The following ABHD2 variants were observed in gnomAD, a reference collection of about 807,000 sequenced individuals.
ABHD2 encodes the protein monoacylglycerol lipase ABHD2.
A neutral mutation model predicts 48.1 loss-of-function variants in ABHD2; 20 were observed. The ratio of observed to expected loss-of-function variants is 0.42; its 90% confidence interval spans 0.29 to 0.60. The LOEUF (loss-of-function observed/expected upper bound fraction) is 0.60, where lower values mean the gene tolerates loss of function less well. Among genes scored for constraint, ABHD2 ranks in the 20% least tolerant of loss-of-function variants. The pLI, the probability that ABHD2 is intolerant of heterozygous loss-of-function variation, is 0.24. For synonymous variants in ABHD2, 209 were observed against 214.2 expected, an observed-to-expected ratio of 0.98 and a Z score of 0.21; for missense variants, 405 against 550.9, an observed-to-expected ratio of 0.74 and a Z score of 2.65.
At chr15:89,136,419 G>T in intron 3 of ABHD2, 1 of 497,576 alleles carries the variant, frequency 2.0e-6, no homozygotes, top group Non-Finnish European at 3.9e-6. Context: ...GTTCTTATGT[G>T]CCTCCCTACA....
In ABHD2 at chr15:89,201,112, G is replaced by A; in HGVS notation, c.*5689G>A. On this transcript the variant is annotated 3_prime_UTR_variant, in exon 11 of 11. Transcript: ENST00000352732. ...AAAAGAAAAGGAATCCAGTGAAAAT[G>A]GCTGCAATTACAACAAGAAGTGAAG... is the stretch of plus-strand genomic sequence containing the variant. The A allele has an allele frequency of 1.9e-6, 2 of 1,054,704 alleles. No individual in the cohort carries two copies. The highest frequency in any genetic ancestry group is 3.0e-6 in the Non-Finnish European group (2 of 673,090). The allele number at this position is 1,054,704 out of a possible 1,614,324, so 65.3% of individuals were successfully genotyped here.
At chr15:89,148,716 G>C (rs1281230336) in intron 3 of ABHD2, among the ~76,000 whole-genome samples, 1 of 152,170 alleles carries the variant, frequency 6.6e-6, no homozygotes, top group Non-Finnish European at 1.5e-5. Context: ...AGAAGCCACA[G>C]GCCAGTCCAG....
intron 9 of ABHD2, among the ~76,000 whole-genome samples, chr15:89,192,622 G>T (rs2051326092): frequency 6.6e-6 from 1 of 151,900 alleles, no homozygotes; most frequent in African/African-American, 2.4e-5. Context: ...TGATCCTCCT[G>T]CCTCAGCTTC....
intron 3 of ABHD2, among the ~76,000 whole-genome samples, chr15:89,140,230 T>C (rs2050380548): frequency 6.6e-6 from 1 of 152,234 alleles, no homozygotes; most frequent in South Asian, 2.1e-4. Flanking sequence ...CAAGCTCTAC[T>C]GAAAGACCTG....
At position 89,088,963 on chromosome 15, in the gene ABHD2, C is replaced by A. The variant is rs1156790389; in HGVS notation, c.-107+400C>A. 6.6e-6 allele frequency among the ~76,000 whole-genome samples: 1 copy of A among 152,246 alleles called. No homozygotes were observed. The highest frequency in any genetic ancestry group is 2.4e-5 in the African/African-American group (1 of 41,474). ...AGGAGAGGGCCGAGGGGCCTGATTACAGCCCGAGATACCCGAGAGGCCTCT... is the reference window on the plus strand; with the variant it reads ...AGGAGAGGGCCGAGGGGCCTGATTAAAGCCCGAGATACCCGAGAGGCCTCT... On this transcript the variant is annotated intron_variant, in intron 1 of 10. Transcript: ENST00000352732. This position sits in a 1 kb window ranked among gnomAD's most constrained non-coding sequence, Gnocchi z 6.8.
intron 1 of ABHD2, among the ~76,000 whole-genome samples, chr15:89,110,341 G>T (rs574520800): frequency 6.6e-6 from 1 of 151,682 alleles, no homozygotes; most frequent in Admixed American, 6.6e-5. Flanking sequence ...GATTACAGGC[G>T]TGAGTCCCCT....
At chr15:89,089,619 G>T (rs1901512397) in intron 1 of ABHD2, among the ~76,000 whole-genome samples, 1 of 152,194 alleles carries the variant, frequency 6.6e-6, no homozygotes, top group African/African-American at 2.4e-5. Flanking sequence ...AGGCTCCACA[G>T]AGGGACCTGG....
Position 89,185,554 on chromosome 15 carries a change from T to C in ABHD2, c.815+38T>C, listed in dbSNP as rs1385154443. The C allele has an allele frequency of 1.9e-6, 3 of 1,571,632 alleles. 1 individual carries two copies. The Middle Eastern group carries it at 5.0e-4, about 263-fold the overall frequency. ...CCGTTCTCTCTCAGGAGACAGACAG[T>C]TCCTTCCTGAGCTCATCTGGGAACC... On this transcript the variant is annotated intron_variant, in intron 7 of 10. Coordinates refer to ENST00000352732, the MANE Select transcript of ABHD2 (RefSeq NM_152924.5). The surrounding 1 kb of genome is among the most constrained non-coding windows in gnomAD (Gnocchi z 5.9).
At chr15:89,054,848 G>T in the ABHD2 span, among the ~76,000 whole-genome samples, 4 of 146,638 alleles carry the variant, frequency 2.7e-5, no homozygotes, top group Non-Finnish European at 6.1e-5. Context: ...TCTTTAAACA[G>T]CTCTAAAAAA....
intron 5 of ABHD2, among the ~76,000 whole-genome samples, chr15:89,157,427 T>C (rs927443465): frequency 5.9e-5 from 9 of 152,180 alleles, no homozygotes; most frequent in African/African-American, 1.9e-4. Flanking sequence ...TATACCTGCT[T>C]TGTGCCAAGC....
rs912779905 is a variant in ABHD2, at chr15:89,176,861, G to A, written c.722+866G>A. On this transcript the variant is annotated intron_variant, in intron 6 of 10. Coordinates refer to ENST00000352732, the MANE Select transcript of ABHD2 (RefSeq NM_152924.5). The surrounding 1 kb of genome is among the most constrained non-coding windows in gnomAD (Gnocchi z 4.5). ...CACCTCCCTATTGATCCAGTCTAAT[G>A]CCAAACAGTCCTTATCGTTATTCAA... Among the ~76,000 whole-genome samples, 1 of 152,170 alleles carries A rather than the reference G, an allele frequency of 6.6e-6. No individual in the cohort carries two copies. Among genetic ancestry groups the A allele is most frequent in the African/African-American group, 2.4e-5 (1 of 41,434 alleles).
At chr15:89,139,156 A>G (rs1487475457) in intron 3 of ABHD2, among the ~76,000 whole-genome samples, 1 of 152,180 alleles carries the variant, frequency 6.6e-6, no homozygotes, top group Non-Finnish European at 1.5e-5. Context: ...AGCTGCAGTG[A>G]GCCGTAGTTG....
intron 5 of ABHD2, among the ~76,000 whole-genome samples, chr15:89,160,917 C>T (rs1229450456): frequency 6.6e-6 from 1 of 152,214 alleles, no homozygotes; most frequent in Admixed American, 6.5e-5. Flanking sequence ...AACTCTCGCA[C>T]AGTTTATCAC....
intron 3 of ABHD2, among the ~76,000 whole-genome samples, chr15:89,127,152 A>C (rs1007893155): frequency 6.6e-6 from 1 of 152,158 alleles, no homozygotes; most frequent in Non-Finnish European, 1.5e-5. Flanking sequence ...AGCTGCCTGC[A>C]GTGTAGTATC....
intron 8 of ABHD2, among the ~76,000 whole-genome samples, chr15:89,190,527 G>A (rs1360042332): frequency 6.6e-6 from 1 of 152,128 alleles, no homozygotes; most frequent in Non-Finnish European, 1.5e-5. Flanking sequence ...CTGTTAAAAG[G>A]AAAGTTCCAG....
At chr15:89,041,807 G>A in the ABHD2 span, among the ~76,000 whole-genome samples, 1 of 152,208 alleles carries the variant, frequency 6.6e-6, no homozygotes, top group East Asian at 1.9e-4. Context: ...GACCTGGCCT[G>A]GAGGGGCTGA....
chr15:89,154,238 A>G (rs953827471), intron 4 of ABHD2, among the ~76,000 whole-genome samples: 4 of 152,198 alleles, frequency 2.6e-5, no homozygotes, highest in Middle Eastern at 3.2e-3. Context: ...GACGTGTGCC[A>G]CTACATCCAA....
rs142817242 is a variant in ABHD2 at position 89,114,403 on chromosome 15, G to A, written c.-7+579G>A. Among the ~76,000 whole-genome samples, 12 of 152,292 alleles carry A rather than the reference G, an allele frequency of 7.9e-5. No homozygotes were observed. In the East Asian group the frequency reaches 1.5e-3, roughly 20 times the overall value. On this transcript the variant is annotated intron_variant, in intron 2 of 10. Transcript: ENST00000352732. The surrounding 1 kb of genome is among the most constrained non-coding windows in gnomAD (Gnocchi z 4.2). ...CAAGTTAAGGATCCTTGTTTTAGGG[G>A]TTTATAGACAGCTTTCAGGGGATAT...
chr15:89,084,516 C>T (rs2150759154), upstream of ABHD2, among the ~76,000 whole-genome samples: 1 of 152,278 alleles, frequency 6.6e-6, no homozygotes, highest in East Asian at 1.9e-4. The surrounding 1 kb of genome is among the most constrained non-coding windows in gnomAD (Gnocchi z 4.4). Context: ...CCAGACTGGT[C>T]TCAAACTCCT....
Sources: allele counts gnomAD v4.1 joint callset (sites outside exome capture counted in the v4.1 genomes callset), GRCh38; gene constraint gnomAD v4.1.1; non-coding constraint Gnocchi (gnomAD v3.1); transcripts MANE v1.5; gene names NCBI Gene and HGNC (gene_info 2026-07-23, HGNC 2026-07-21).